RANGAP1: variants seen among roughly 807,000 people sequenced by gnomAD.
The protein encoded by RANGAP1 is Ran GTPase activating protein 1, also known as ran GTPase-activating protein 1.
A neutral mutation model predicts 63.5 loss-of-function variants in RANGAP1; 38 were observed. That is an observed-to-expected ratio of 0.60 (90% CI 0.46 to 0.78). The LOEUF is 0.78. Ranked by LOEUF, RANGAP1 falls within the 30% of genes least tolerant of loss-of-function variation. RANGAP1 has a pLI of 0.00. For synonymous variants in RANGAP1, 329 were observed against 310.5 expected, an observed-to-expected ratio of 1.06 and a Z score of -0.63; for missense variants, 630 against 740.3, an observed-to-expected ratio of 0.85 and a Z score of 1.73.
In RANGAP1 at chr22:41,251,126, C is replaced by G; in HGVS notation, c.1381-17G>C. The stretch of plus-strand genomic sequence containing the variant: ...CGTGTCAGTCTGAGGACAAAAGAGA[C>G]AATGGTTGGCCTGTGGCACGTGGTG... On this transcript the variant is annotated splice_polypyrimidine_tract_variant and intron_variant, in intron 12 of 15. Transcript: ENST00000356244. 1.9e-6 allele frequency: 3 copies of G among 1,606,834 alleles called. No individual in the cohort carries two copies. The highest frequency in any genetic ancestry group is 2.6e-6 in the Non-Finnish European group (3 of 1,173,812).
chr22:41,298,661 G>T, the RANGAP1 span, among the ~76,000 whole-genome samples: 4 of 151,952 alleles, frequency 2.6e-5, no homozygotes, highest in Non-Finnish European at 5.9e-5. Flanking sequence ...CACCACGCCC[G>T]GCCAATTTTT....
chr22:41,257,946 A>T lies in RANGAP1; in HGVS notation c.774+2T>A. On this transcript the variant is annotated splice_donor_variant, in intron 7 of 15. Transcript: ENST00000356244. LOFTEE classifies it high-confidence loss of function. The surrounding 1 kb of genome is among the most constrained non-coding windows in gnomAD (Gnocchi z 4.0). ...CAACTGGCTCTGCCACACTCGCCTC[A>T]CCTCGGCCATGGCCACGGCGCCCTT... 6.3e-7 allele frequency: 1 copy of T among 1,599,784 alleles called. No homozygotes were observed. The highest frequency in any genetic ancestry group is 8.5e-7 in the Non-Finnish European group (1 of 1,171,136).
rs1285664637 is a variant in RANGAP1 at position 41,286,159 on chromosome 22, C to G, written c.-212G>C. ...CTCGAGCTCCCGGCCTCACGCGCTT[C>G]CAGCACCACCTGCTCTCCGCACCGC... On this transcript the variant is annotated 5_prime_UTR_variant, in exon 1 of 16. Transcript: ENST00000356244. The G allele has an allele frequency of 6.6e-6, 1 of 152,376 alleles. No individual in the cohort carries two copies. The highest frequency in any genetic ancestry group is 1.5e-5 in the Non-Finnish European group (1 of 68,116). 9.4% of individuals were successfully genotyped at this position (152,376 alleles called of 1,614,324 possible).
chr22:41,295,498 C>T, the RANGAP1 span, among the ~76,000 whole-genome samples: 1 of 151,928 alleles, frequency 6.6e-6, no homozygotes, highest in East Asian at 1.9e-4. Flanking sequence ...TGCTTGAAGG[C>T]AGCATGCTCC....
At chr22:41,250,063 T>C (rs1245258769) in intron 13 of RANGAP1, among the ~76,000 whole-genome samples, 1 of 152,204 alleles carries the variant, frequency 6.6e-6, no homozygotes, top group Non-Finnish European at 1.5e-5. Flanking sequence ...GCCTCAGGTA[T>C]AAAATGGGCA....
rs781568920 is a variant in RANGAP1 at position 41,272,191 on chromosome 22, G to A, written c.240+2409C>T. On this transcript the variant is annotated intron_variant, in intron 3 of 15. Coordinates refer to ENST00000356244, the MANE Select transcript of RANGAP1 (RefSeq NM_002883.4). Reference sequence around the variant, plus strand: ...TCCTGCTGAGTCCTGTAGCCTTCAGGCCCATGGCTCCTTCATTCCTGTTCT... The same window carrying A: ...TCCTGCTGAGTCCTGTAGCCTTCAGACCCATGGCTCCTTCATTCCTGTTCT... Among the ~76,000 whole-genome samples, 11 of 152,240 alleles carry A rather than the reference G, an allele frequency of 7.2e-5. 1 individual carries two copies. The South Asian group carries it at 1.5e-3, about 20-fold the overall frequency.
At position 41,245,409 on chromosome 22, in the gene RANGAP1, G is replaced by C. The variant is rs1253513389; in HGVS notation, c.*1194C>G. Reference sequence around the variant, plus strand: ...AGCTGCAGCCCAAAGGCAGGGTGCTGGGTGAGGTGTGGCCAGGCAGGAAAA... The same window carrying C: ...AGCTGCAGCCCAAAGGCAGGGTGCTCGGTGAGGTGTGGCCAGGCAGGAAAA... On this transcript the variant is annotated 3_prime_UTR_variant, in exon 16 of 16. Coordinates refer to ENST00000356244, the MANE Select transcript of RANGAP1 (RefSeq NM_002883.4). 6.6e-6 allele frequency among the ~76,000 whole-genome samples: 1 copy of C among 152,236 alleles called. No individual in the cohort carries two copies. The highest frequency in any genetic ancestry group is 1.5e-5 in the Non-Finnish European group (1 of 68,034).
chr22:41,270,546 C>G (rs946438175), intron 3 of RANGAP1, among the ~76,000 whole-genome samples: 3 of 152,326 alleles, frequency 2.0e-5, no homozygotes, highest in African/African-American at 7.2e-5. Flanking sequence ...CTCCCAGGCT[C>G]AAGCCATCCT....
chr22:41,247,483 C>G (rs923538868), intron 15 of RANGAP1, among the ~76,000 whole-genome samples: 1 of 152,144 alleles, frequency 6.6e-6, no homozygotes, highest in Non-Finnish European at 1.5e-5. Flanking sequence ...TCCCAAGTAG[C>G]TGGGACCACA....
chr22:41,278,874 C>A (rs181447278), intron 2 of RANGAP1, among the ~76,000 whole-genome samples: 4 of 152,260 alleles, frequency 2.6e-5, no homozygotes, highest in Admixed American at 2.6e-4. Context: ...CACGGTGGCT[C>A]ACGCCTGTAA....
At chr22:41,256,320 G>T in intron 8 of RANGAP1, 30 bp from the exon 9 acceptor site, 2 of 1,603,422 alleles carry the variant, frequency 1.2e-6, no homozygotes, top group Non-Finnish European at 1.7e-6. Flanking sequence ...TTGGAGGCAG[G>T]CAGAAACCCG....
chr22:41,259,746 T>C (rs1202450083), intron 6 of RANGAP1, among the ~76,000 whole-genome samples: 1 of 152,260 alleles, frequency 6.6e-6, no homozygotes, highest in Non-Finnish European at 1.5e-5. Flanking sequence ...CTTATGCCTA[T>C]AATCCCAGCA....
chr22:41,262,573 C>T (rs944737800), intron 5 of RANGAP1, among the ~76,000 whole-genome samples: 1 of 150,822 alleles, frequency 6.6e-6, no homozygotes, highest in African/African-American at 2.4e-5. Context: ...TGGCCTAACT[C>T]CTGGCATGAG....
intron 3 of RANGAP1, among the ~76,000 whole-genome samples, chr22:41,268,519 T>C (rs2034614663): frequency 6.6e-6 from 1 of 151,906 alleles, no homozygotes; most frequent in Non-Finnish European, 1.5e-5. Context: ...TCTCCCAAAG[T>C]GCTGGGATTA....
At chr22:41,265,789 G>A (rs1453222517) in intron 4 of RANGAP1, among the ~76,000 whole-genome samples, 1 of 152,198 alleles carries the variant, frequency 6.6e-6, no homozygotes, top group African/African-American at 2.4e-5. Context: ...GAATGTGGAA[G>A]GGAGACTTTC....
chr22:41,258,744 T>A (rs2033993294), intron 6 of RANGAP1, among the ~76,000 whole-genome samples: 1 of 152,166 alleles, frequency 6.6e-6, no homozygotes, highest in Non-Finnish European at 1.5e-5. Flanking sequence ...AACCTCTGCC[T>A]CCCAGGTTCA....
At chr22:41,276,252 T>C (rs1416921523) in intron 2 of RANGAP1, among the ~76,000 whole-genome samples, 4 of 152,188 alleles carry the variant, frequency 2.6e-5, no homozygotes, top group African/African-American at 9.7e-5. Context: ...GGATAATGGG[T>C]GATTGTGTGT....
intron 1 of RANGAP1, chr22:41,285,528 G>A (rs1044265365): frequency 1.0e-6 from 1 of 985,500 alleles, no homozygotes; most frequent in Non-Finnish European, 1.2e-6. Context: ...CCTGCAAAGC[G>A]TCAGCAGTGA....
At chr22:41,259,961 G>A (rs1484733819) in intron 6 of RANGAP1, among the ~76,000 whole-genome samples, 1 of 151,972 alleles carries the variant, frequency 6.6e-6, no homozygotes, top group Non-Finnish European at 1.5e-5. Context: ...GGCTGAGATT[G>A]CACCGTTGTA....
Sources: allele counts gnomAD v4.1 joint callset (sites outside exome capture counted in the v4.1 genomes callset), GRCh38; gene constraint gnomAD v4.1.1; non-coding constraint Gnocchi (gnomAD v3.1); transcripts MANE v1.5; gene names NCBI Gene and HGNC (gene_info 2026-07-23, HGNC 2026-07-21).